FGF14: variants seen among roughly 807,000 people sequenced by gnomAD.
The protein encoded by FGF14 is fibroblast growth factor homologous factor 4.
A neutral mutation model predicts 25.5 loss-of-function variants in FGF14; 5 were observed. That is an observed-to-expected ratio of 0.20 (90% CI 0.10 to 0.41). FGF14 has a LOEUF of 0.41. Ranked by LOEUF, FGF14 falls within the 10% of genes least tolerant of loss-of-function variation. The pLI is 1.00. For synonymous variants in FGF14, 138 were observed against 118.3 expected (o/e 1.17, Z -1.08); for missense variants, 222 against 320.1 (o/e 0.69, Z 2.34).
At chr13:102,125,825 C>T (rs2045926921) in intron 1 of FGF14, among the ~76,000 whole-genome samples, 1 of 152,068 alleles carries the variant, frequency 6.6e-6, no homozygotes, top group Admixed American at 6.5e-5. Context: ...CATTGTCTAA[C>T]TTTCCTTTTG....
chr13:102,374,679 T>TATAC (rs2057992967), intron 1 of FGF14, among the ~76,000 whole-genome samples: 1 of 102,194 alleles, frequency 9.8e-6, no homozygotes, highest in South Asian at 3.4e-4. Context: ...TATATATATA[T>TATAC]ATATATATAT....
intron 1 of FGF14, among the ~76,000 whole-genome samples, chr13:102,389,132 T>A (rs749817816): frequency 1.3e-5 from 2 of 152,126 alleles, no homozygotes; most frequent in South Asian, 2.1e-4. Context: ...TCCCCTTTCA[T>A]CCTCGATGAG....
intron 3 of FGF14, among the ~76,000 whole-genome samples, chr13:101,806,590 T>C (rs2041218901): frequency 1.3e-5 from 2 of 152,192 alleles, no homozygotes; most frequent in South Asian, 2.1e-4. Context: ...CAATGACAAA[T>C]TATATTTTAT....
rs540347839 is a variant in FGF14 at position 101,766,403 on chromosome 13, G to T, written c.409-39593C>A. 3.9e-5 allele frequency among the ~76,000 whole-genome samples: 6 copies of T among 152,166 alleles called. No individual in the cohort carries two copies. The East Asian group carries it at 1.2e-3, about 29-fold the overall frequency. On this transcript the variant is annotated intron_variant, in intron 3 of 4. Coordinates refer to ENST00000376143, the MANE Select transcript of FGF14 (RefSeq NM_004115.4). ...AGAGACCTGAATAAGTCAACTCCCT[G>T]CCCTCCAGGATTGCACAGACAATAA...
intron 1 of FGF14, among the ~76,000 whole-genome samples, chr13:102,276,320 CACACACACGT>C (rs2053536526): frequency 1.6e-5 from 2 of 123,398 alleles, no homozygotes; most frequent in East Asian, 4.9e-4. Flanking sequence ...CACACACACA[CACACACACGT>C]ACGTGTGTGT....
At chr13:101,855,093 T>C (rs560522963) in intron 3 of FGF14, among the ~76,000 whole-genome samples, 3 of 152,132 alleles carry the variant, frequency 2.0e-5, no homozygotes, top group Admixed American at 2.0e-4. Flanking sequence ...CATTTTACTT[T>C]TCTCTAGTGG....
chr13:102,056,011 C>T (rs1283920808), intron 1 of FGF14, among the ~76,000 whole-genome samples: 1 of 152,170 alleles, frequency 6.6e-6, no homozygotes, highest in Non-Finnish European at 1.5e-5. Context: ...AGTATAACTG[C>T]CCCTATGATT....
At chr13:102,326,058 G>A (rs951131875) in intron 1 of FGF14, among the ~76,000 whole-genome samples, 1 of 152,176 alleles carries the variant, frequency 6.6e-6, no homozygotes, top group African/African-American at 2.4e-5. Flanking sequence ...TCTGTTACTT[G>A]TAGAATTGAA....
intron 1 of FGF14, among the ~76,000 whole-genome samples, chr13:101,993,542 G>A (rs913325459): frequency 2.0e-5 from 3 of 152,044 alleles, no homozygotes; most frequent in Non-Finnish European, 2.9e-5. Flanking sequence ...TGAAATGTAT[G>A]GCAGCAGTGT....
At chr13:102,163,874 A>G (rs2047887504) in intron 1 of FGF14, among the ~76,000 whole-genome samples, 1 of 152,180 alleles carries the variant, frequency 6.6e-6, no homozygotes, top group South Asian at 2.1e-4. Context: ...AAAGTCTGGA[A>G]CAAAGTGAAG....
At chr13:101,893,380 T>C (rs2030078382) in intron 1 of FGF14, among the ~76,000 whole-genome samples, 1 of 152,192 alleles carries the variant, frequency 6.6e-6, no homozygotes. Context: ...ATTGTGATTA[T>C]GTGTCCATGT....
intron 1 of FGF14, among the ~76,000 whole-genome samples, chr13:102,166,110 C>A (rs1158627035): frequency 6.6e-6 from 1 of 151,190 alleles, no homozygotes; most frequent in Non-Finnish European, 1.5e-5. Flanking sequence ...AAGCTCCTGG[C>A]AACCACCATT....
chr13:102,379,899 A>G (rs1321340998), intron 1 of FGF14, among the ~76,000 whole-genome samples: 7 of 152,190 alleles, frequency 4.6e-5, no homozygotes, highest in African/African-American at 1.7e-4. Flanking sequence ...TTTTCACTGG[A>G]AAGCCAGCTA....
intron 3 of FGF14, among the ~76,000 whole-genome samples, chr13:101,733,376 C>T (rs1188086619): frequency 6.6e-6 from 1 of 151,948 alleles, no homozygotes; most frequent in Non-Finnish European, 1.5e-5. Flanking sequence ...GGCAGGCGAT[C>T]ATGAGGTCAA....
intron 1 of FGF14, among the ~76,000 whole-genome samples, chr13:101,955,320 T>A (rs1015932373): frequency 6.6e-6 from 1 of 152,262 alleles, no homozygotes; most frequent in East Asian, 1.9e-4. Context: ...TAGCTTCTAA[T>A]GTGGCTTCAA....
At chr13:101,993,016 T>C (rs2038988089) in intron 1 of FGF14, among the ~76,000 whole-genome samples, 1 of 151,844 alleles carries the variant, frequency 6.6e-6, no homozygotes, top group South Asian at 2.1e-4. Flanking sequence ...ATATCTGCAC[T>C]TAAATATATC....
At chr13:101,908,917 A>G (rs917498080) in intron 1 of FGF14, among the ~76,000 whole-genome samples, 2 of 152,222 alleles carry the variant, frequency 1.3e-5, no homozygotes, top group African/African-American at 4.8e-5. Flanking sequence ...AACAGAACAG[A>G]GCCCTCAGAA....
chr13:101,885,695 G>A (rs1188080184), intron 1 of FGF14, among the ~76,000 whole-genome samples: 1 of 144,652 alleles, frequency 6.9e-6, no homozygotes, highest in Non-Finnish European at 1.5e-5. Context: ...TGTGGCACAG[G>A]CCTCTGAAAA....
chr13:101,962,008 C>G (rs1352244434), intron 1 of FGF14, among the ~76,000 whole-genome samples: 2 of 151,966 alleles, frequency 1.3e-5, no homozygotes, highest in Non-Finnish European at 1.5e-5. Flanking sequence ...ATGCCTCCAG[C>G]TTTGTTCTAT....
Sources: allele counts gnomAD v4.1 joint callset (sites outside exome capture counted in the v4.1 genomes callset), GRCh38; gene constraint gnomAD v4.1.1; transcripts MANE v1.5; gene names NCBI Gene and HGNC (gene_info 2026-07-23, HGNC 2026-07-21).